The following ADARB2 variants were observed in gnomAD, a reference collection of about 807,000 sequenced individuals.
ADARB2 encodes adenosine deaminase RNA specific B2 (inactive).
Under a neutral mutation model 62.2 loss-of-function variants are expected in ADARB2, and 25 were observed. The ratio of observed to expected loss-of-function variants is 0.40; its 90% CI spans 0.29 to 0.56. The LOEUF is 0.56. Among genes scored for constraint, ADARB2 ranks in the 20% least tolerant of loss-of-function variants. The pLI is 0.43. For synonymous variants in ADARB2, 572 were observed against 500.8 expected (o/e 1.14, Z -1.90); for missense variants, 1,071 against 1,077.4 (o/e 0.99, Z 0.08).
intron 1 of ADARB2, among the ~76,000 whole-genome samples, chr10:1,665,043 G>T (rs1270187495): frequency 6.6e-6 from 1 of 152,180 alleles, no homozygotes; most frequent in African/African-American, 2.4e-5. Context: ...GGGCAAGGGG[G>T]AAGGAGCCCC....
chr10:1,285,684 T>C lies in ADARB2; in HGVS notation c.1078-14615A>G, dbSNP rs191688636. Among the ~76,000 whole-genome samples, 79 of 152,348 alleles carry C rather than the reference T, an allele frequency of 5.2e-4. No homozygotes were observed. In the East Asian group the frequency reaches 0.01, roughly 20 times the overall value. Reference sequence around the variant, plus strand: ...CTTTTTGTTGCCCACATTTTGCCTATTGGCTCCGATTACCATGGCAAATTA... The same window carrying C: ...CTTTTTGTTGCCCACATTTTGCCTACTGGCTCCGATTACCATGGCAAATTA... On this transcript the variant is annotated intron_variant, in intron 3 of 9. Coordinates refer to ENST00000381312, the MANE Select transcript of ADARB2 (RefSeq NM_018702.4).
intron 3 of ADARB2, among the ~76,000 whole-genome samples, chr10:1,342,251 G>A (rs1365219017): frequency 1.3e-5 from 2 of 152,126 alleles, no homozygotes; most frequent in Non-Finnish European, 2.9e-5. Context: ...CCCTGTGATA[G>A]ACCCCCTTCC....
chr10:1,533,181 T>C (rs2813460), intron 1 of ADARB2, among the ~76,000 whole-genome samples: 110,998 of 150,066 alleles, frequency 0.74, 42,696 homozygotes, highest in Non-Finnish European at 0.83. Context: ...TGCAGTGGGG[T>C]GATCTCGGCT....
Position 1,297,381 on chromosome 10 carries a change from C to A in ADARB2, c.1078-26312G>T, listed in dbSNP as rs535516956. ...GAGCCAAACTCAAGTTTTTACACATCCAGTTATTTTAAAAATAGCCCAAAC... is the reference window on the plus strand; with the variant it reads ...GAGCCAAACTCAAGTTTTTACACATACAGTTATTTTAAAAATAGCCCAAAC... On this transcript the variant is annotated intron_variant, in intron 3 of 9. Coordinates refer to ENST00000381312, the MANE Select transcript of ADARB2 (RefSeq NM_018702.4). Among the ~76,000 whole-genome samples, 4 of 152,334 alleles carry A rather than the reference C, an allele frequency of 2.6e-5. No individual in the cohort carries two copies. The Middle Eastern group carries it at 0.01, about 389-fold the overall frequency.
intron 2 of ADARB2, among the ~76,000 whole-genome samples, chr10:1,376,004 ATATACACGTGAAC>A (rs769111900): frequency 2.0e-5 from 3 of 151,674 alleles, no homozygotes; most frequent in Non-Finnish European, 4.4e-5. Flanking sequence ...CACATGACAC[ATATACACGTGAAC>A]TCACACACCC....
At chr10:1,530,310 C>T (rs1444648507) in intron 1 of ADARB2, among the ~76,000 whole-genome samples, 9 of 152,242 alleles carry the variant, frequency 5.9e-5, no homozygotes, top group African/African-American at 2.2e-4. Flanking sequence ...CCTGCATGGC[C>T]TCTGCCCCAA....
chr10:1,334,025 G>C (rs1241444710), intron 3 of ADARB2, among the ~76,000 whole-genome samples: 2 of 152,208 alleles, frequency 1.3e-5, no homozygotes, highest in Admixed American at 1.3e-4. Context: ...GGAACAACTA[G>C]ACTGGACACA....
At chr10:1,731,777 AT>A (rs1260084762) in intron 1 of ADARB2, among the ~76,000 whole-genome samples, 4 of 152,208 alleles carry the variant, frequency 2.6e-5, no homozygotes, top group Non-Finnish European at 4.4e-5. Context: ...TTCTTGAGCT[AT>A]CCTAACCACA....
chr10:1,414,683 T>C (rs1489771968), intron 1 of ADARB2, among the ~76,000 whole-genome samples: 4 of 152,242 alleles, frequency 2.6e-5, no homozygotes, highest in Admixed American at 1.3e-4. Context: ...TTGGGGCCTT[T>C]GCAGCCTCCA....
intron 1 of ADARB2, among the ~76,000 whole-genome samples, chr10:1,729,738 G>A (rs569254707): frequency 4.4e-4 from 67 of 152,236 alleles, no homozygotes; most frequent in African/African-American, 8.2e-4. Context: ...CCCTCTACTC[G>A]TTTGTTTTTA....
intron 3 of ADARB2, among the ~76,000 whole-genome samples, chr10:1,348,642 G>T (rs1471734192): frequency 2.0e-5 from 3 of 152,142 alleles, no homozygotes; most frequent in Non-Finnish European, 4.4e-5. Flanking sequence ...TGTTTCCAAG[G>T]GAACCTGAGT....
At chr10:1,697,997 C>T (rs554350912) in intron 1 of ADARB2, among the ~76,000 whole-genome samples, 17 of 152,230 alleles carry the variant, frequency 1.1e-4, no homozygotes, top group African/African-American at 3.6e-4. Flanking sequence ...AACAATAATA[C>T]GCGACTTTCA....
chr10:1,273,020 C>CT (rs1303561424), intron 3 of ADARB2, among the ~76,000 whole-genome samples: 1 of 152,208 alleles, frequency 6.6e-6, no homozygotes, highest in Non-Finnish European at 1.5e-5. Context: ...CCCACGTGGC[C>CT]TTCTCCTCTG....
chr10:1,725,502 C>T (rs1238660942), intron 1 of ADARB2, among the ~76,000 whole-genome samples: 5 of 151,836 alleles, frequency 3.3e-5, no homozygotes, highest in Non-Finnish European at 7.4e-5. Context: ...CAGGACTCTG[C>T]GGTGGGGGAA....
chr10:1,250,407 AAGATGGATT>A (rs1831025992), intron 4 of ADARB2, among the ~76,000 whole-genome samples: 1 of 152,090 alleles, frequency 6.6e-6, no homozygotes, highest in Non-Finnish European at 1.5e-5. Flanking sequence ...TTGCTCTGGC[AAGATGGATT>A]AGTCTTCAAG....
At position 1,217,128 on chromosome 10, in the gene ADARB2, TA is replaced by T. The variant is rs1375063378; in HGVS notation, c.1514-10del. ...GTGTTTGCTGCTGTGCACTAGGAGA[TA>T]AAAGGGCGGGGAGGGGTGAGAAGAG... On this transcript the variant is annotated splice_polypyrimidine_tract_variant and intron_variant, in intron 6 of 9. Coordinates refer to ENST00000381312, the MANE Select transcript of ADARB2 (RefSeq NM_018702.4). 1 of 1,573,818 alleles carries T rather than the reference TA, an allele frequency of 6.4e-7. No individual in the cohort carries two copies. Among genetic ancestry groups the T allele is most frequent in the Non-Finnish European group, 8.6e-7 (1 of 1,159,162 alleles).
chr10:1,264,939 A>C (rs1489519407), intron 4 of ADARB2, among the ~76,000 whole-genome samples: 2 of 152,222 alleles, frequency 1.3e-5, no homozygotes, highest in Non-Finnish European at 2.9e-5. Context: ...TGTAGGCTAG[A>C]CTAGCAAAAA....
intron 4 of ADARB2, among the ~76,000 whole-genome samples, chr10:1,268,200 G>A (rs1182602867): frequency 6.6e-6 from 1 of 152,196 alleles, no homozygotes; most frequent in Non-Finnish European, 1.5e-5. Context: ...AAATATAGAA[G>A]TATGTAGTAC....
chr10:1,457,728 T>C (rs1042703176), intron 1 of ADARB2, among the ~76,000 whole-genome samples: 5 of 152,130 alleles, frequency 3.3e-5, no homozygotes, highest in African/African-American at 1.2e-4. Context: ...AAATTCCTGG[T>C]GAACTCCTAA....
Sources: allele counts gnomAD v4.1 joint callset (sites outside exome capture counted in the v4.1 genomes callset), GRCh38; gene constraint gnomAD v4.1.1; transcripts MANE v1.5; gene names NCBI Gene and HGNC (gene_info 2026-07-23, HGNC 2026-07-21).